ZPBP: variants seen among roughly 807,000 people sequenced by gnomAD.
ZPBP encodes the protein zona pellucida-binding protein 1.
A neutral mutation model predicts 44.8 loss-of-function variants in ZPBP; 26 were observed. The observed-to-expected ratio is 0.58, with a 90% CI of 0.43 to 0.81. ZPBP has a LOEUF of 0.81. Among genes scored for constraint, ZPBP ranks in the 30% least tolerant of loss-of-function variants. ZPBP has a pLI of 0.00. For missense variants in ZPBP, 409 were observed against 434.0 expected (o/e 0.94, Z 0.51); for synonymous variants, 174 against 153.2 (o/e 1.14, Z -1.00).
chr7:50,072,286 G>A (rs1325228195), intron 3 of ZPBP, among the ~76,000 whole-genome samples: 1 of 152,218 alleles, frequency 6.6e-6, no homozygotes, highest in East Asian at 1.9e-4. Flanking sequence ...TAGCAGGGTA[G>A]AATGGGAAGG....
intron 7 of ZPBP, among the ~76,000 whole-genome samples, chr7:49,954,416 A>G (rs947838567): frequency 2.0e-5 from 3 of 152,210 alleles, no homozygotes; most frequent in African/African-American, 4.8e-5. Context: ...ACCAAAAACA[A>G]GGGTAACAAA....
intron 1 of ZPBP, among the ~76,000 whole-genome samples, chr7:50,090,598 T>A (rs565600249): frequency 3.5e-5 from 4 of 115,358 alleles, no homozygotes; most frequent in African/African-American, 1.4e-4. Context: ...TATATGCGTA[T>A]ATATGCGTAT....
At chr7:49,917,703 T>G (rs1354339370) in intron 1 of ZPBP, 1 of 152,172 alleles carries the variant, frequency 6.6e-6, no homozygotes, top group Non-Finnish European at 1.5e-5. Flanking sequence ...CTAATTATAT[T>G]AAGACCAACA....
chr7:49,979,836 TA>T (rs1339589039), intron 7 of ZPBP, among the ~76,000 whole-genome samples: 1 of 97,560 alleles, frequency 1.0e-5, no homozygotes, highest in African/African-American at 4.1e-5. Context: ...TATATATATA[TA>T]TATATATATA....
intron 1 of ZPBP, chr7:49,916,061 C>A (rs1793706031): frequency 6.6e-6 from 1 of 152,226 alleles, no homozygotes; most frequent in East Asian, 1.9e-4. Flanking sequence ...TCAGCTGCAA[C>A]TTCCAAAGAT....
intron 6 of ZPBP, among the ~76,000 whole-genome samples, chr7:50,017,180 T>C (rs1202903427): frequency 6.6e-6 from 1 of 152,154 alleles, no homozygotes; most frequent in Non-Finnish European, 1.5e-5. Context: ...TGAGCTTGTC[T>C]TCCTGCAACT....
At chr7:49,905,584 T>C (rs566835948) in intron 1 of ZPBP, among the ~76,000 whole-genome samples, 1 of 152,204 alleles carries the variant, frequency 6.6e-6, no homozygotes. Context: ...ACTTTGTGTG[T>C]TTGTAAACTA....
At chr7:49,961,368 A>G (rs1795854616) in intron 7 of ZPBP, among the ~76,000 whole-genome samples, 1 of 152,222 alleles carries the variant, frequency 6.6e-6, no homozygotes, top group Non-Finnish European at 1.5e-5. Flanking sequence ...CAAGGAATAT[A>G]TATACTACAT....
intron 2 of ZPBP, among the ~76,000 whole-genome samples, chr7:49,895,570 T>C (rs1792344563): frequency 6.6e-6 from 1 of 152,204 alleles, no homozygotes; most frequent in African/African-American, 2.4e-5. Flanking sequence ...TTATATCCTA[T>C]AGCAATTTCA....
chr7:49,875,507 G>A (rs1215473818), intron 2 of ZPBP, among the ~76,000 whole-genome samples: 1 of 151,946 alleles, frequency 6.6e-6, no homozygotes, highest in East Asian at 1.9e-4. Context: ...GGGGAAGCTG[G>A]AGGAGAGCCA....
At chr7:50,041,557 A>T (rs1800096582) in intron 4 of ZPBP, among the ~76,000 whole-genome samples, 1 of 152,244 alleles carries the variant, frequency 6.6e-6, no homozygotes, top group African/African-American at 2.4e-5. Context: ...GCAGACCTGC[A>T]GCAGAAGGGC....
intron 2 of ZPBP, among the ~76,000 whole-genome samples, chr7:49,893,998 G>A (rs1350114044): frequency 6.6e-6 from 1 of 152,146 alleles, no homozygotes; most frequent in Non-Finnish European, 1.5e-5. Flanking sequence ...GCTCCATGGG[G>A]GCTGTGTCAT....
At chr7:49,981,469 AATTATATATAATATAT>A (rs1796927077) in intron 7 of ZPBP, among the ~76,000 whole-genome samples, 1 of 74,364 alleles carries the variant, frequency 1.3e-5, no homozygotes, top group Non-Finnish European at 2.3e-5. Context: ...TAATATATAT[AATTATATATAATATAT>A]ATTATATATA....
At chr7:50,088,703 AATG>A (rs1429466353) in intron 2 of ZPBP, among the ~76,000 whole-genome samples, 2 of 152,070 alleles carry the variant, frequency 1.3e-5, no homozygotes, top group Non-Finnish European at 2.9e-5. Context: ...TCAAAACCAC[AATG>A]ATACCAGTTT....
At chr7:49,986,198 C>T (rs375750200) in intron 6 of ZPBP, among the ~76,000 whole-genome samples, 3 of 152,130 alleles carry the variant, frequency 2.0e-5, no homozygotes, top group Admixed American at 2.0e-4. Flanking sequence ...GCCTTTTTGT[C>T]CTTGGACTTC....
intron 7 of ZPBP, among the ~76,000 whole-genome samples, chr7:49,982,218 G>T (rs1797026415): frequency 5.6e-5 from 4 of 71,364 alleles, no homozygotes; most frequent in Non-Finnish European, 8.3e-5. Flanking sequence ...TATATATAAT[G>T]TAATATATAA....
At chr7:49,878,707 A>G (rs945066967) in intron 2 of ZPBP, among the ~76,000 whole-genome samples, 10 of 152,030 alleles carry the variant, frequency 6.6e-5, no homozygotes, top group Admixed American at 5.9e-4. Context: ...CTCTGCCATA[A>G]TCTTTTAAAA....
At chr7:50,024,614 A>T (rs1799242417) in intron 5 of ZPBP, among the ~76,000 whole-genome samples, 1 of 151,934 alleles carries the variant, frequency 6.6e-6, no homozygotes, top group Non-Finnish European at 1.5e-5. Flanking sequence ...TAAGAAAAAA[A>T]ACATTGAATA....
intron 7 of ZPBP, among the ~76,000 whole-genome samples, chr7:49,956,753 T>C (rs1911767): frequency 0.75 from 113,874 of 152,084 alleles, 42,878 homozygotes; most frequent in East Asian, 0.89. Flanking sequence ...ACAATTGCTA[T>C]CAATATCCTA....
Sources: gnomAD v4.1 joint callset for allele counts (sites outside exome capture counted in the v4.1 genomes callset) on GRCh38, gnomAD v4.1.1 for gene constraint, MANE v1.5 for transcripts, NCBI Gene and HGNC (gene_info 2026-07-23, HGNC 2026-07-21) for gene names.